Variants in BTBD9 observed in about 807,000 individuals in gnomAD.
BTBD9 encodes the protein BTB/POZ domain-containing protein 9.
BTBD9 carries 49 observed loss-of-function variants against 64.3 expected under a neutral mutation model. That is an observed-to-expected ratio of 0.76 (90% CI 0.61 to 0.97). BTBD9 has a LOEUF of 0.97. Ranked by LOEUF, BTBD9 falls within the 50% of genes least tolerant of loss-of-function variation. The pLI, the probability that BTBD9 is intolerant of heterozygous loss-of-function variation, is 0.00. For missense variants in BTBD9, 598 were observed against 762.1 expected (o/e 0.78, Z 2.53); for synonymous variants, 260 against 274.7 (o/e 0.95, Z 0.53).
intron 6 of BTBD9, among the ~76,000 whole-genome samples, chr6:38,352,203 C>G (rs1299041786): frequency 2.0e-5 from 3 of 151,856 alleles, no homozygotes; most frequent in Non-Finnish European, 1.5e-5. Context: ...AGAGGGGAAC[C>G]CTGTTTCTAC....
chr6:38,497,818 A>G (rs1336292529), intron 6 of BTBD9, among the ~76,000 whole-genome samples: 2 of 152,204 alleles, frequency 1.3e-5, no homozygotes, highest in Admixed American at 6.5e-5. Context: ...AGAGCTGGCT[A>G]TTCTCTCAAG....
chr6:38,618,313 T>C (rs1329449815), intron 1 of BTBD9, among the ~76,000 whole-genome samples: 1 of 152,182 alleles, frequency 6.6e-6, no homozygotes, highest in Non-Finnish European at 1.5e-5. Context: ...GAAGTATAAA[T>C]TACAGTACTA....
intron 6 of BTBD9, among the ~76,000 whole-genome samples, chr6:38,463,692 A>G (rs1203142623): frequency 3.9e-5 from 6 of 152,214 alleles, no homozygotes; most frequent in Non-Finnish European, 8.8e-5. Flanking sequence ...TCACAGTCTT[A>G]AACCTTGGTA....
intron 8 of BTBD9, among the ~76,000 whole-genome samples, chr6:38,277,419 T>C (rs1263030412): frequency 1.3e-5 from 2 of 151,940 alleles, no homozygotes; most frequent in East Asian, 3.9e-4. Context: ...CTGCAACCTC[T>C]GCCTCCTGTG....
At chr6:38,630,843 G>A (rs910339003) in intron 1 of BTBD9, among the ~76,000 whole-genome samples, 5 of 152,298 alleles carry the variant, frequency 3.3e-5, no homozygotes, top group Admixed American at 1.3e-4. Context: ...GACCTTACTT[G>A]AGGATAAAAG....
At chr6:38,261,909 C>T (rs1218945788) in intron 8 of BTBD9, among the ~76,000 whole-genome samples, 1 of 152,198 alleles carries the variant, frequency 6.6e-6, no homozygotes, top group East Asian at 1.9e-4. Flanking sequence ...TTAAAGAGGA[C>T]TTCTAACTCA....
chr6:38,209,142 C>G (rs1036402124), intron 9 of BTBD9, among the ~76,000 whole-genome samples: 5 of 152,200 alleles, frequency 3.3e-5, no homozygotes, highest in Non-Finnish European at 5.9e-5. Context: ...TGCCTGACAA[C>G]AGCTGGAGAT....
chr6:38,545,728 G>A (rs903906615), intron 6 of BTBD9, among the ~76,000 whole-genome samples: 1 of 145,426 alleles, frequency 6.9e-6, no homozygotes, highest in Admixed American at 7.0e-5. Flanking sequence ...GCAGTGAGCC[G>A]AGATCGAGCC....
In BTBD9 at chr6:38,367,799, CAAAAAAAAAAAAAA is replaced by C. The variant is rs575025737; in HGVS notation, c.1155-22720_1155-22707del. Among the ~76,000 whole-genome samples the C allele has an allele frequency of 2.7e-4, 23 of 84,336 alleles. 1 individual carries two copies. The highest frequency in any genetic ancestry group is 6.2e-4 in the African/African-American group (14 of 22,728). 55.3% of individuals were successfully genotyped at this position (84,336 alleles called of 152,430 possible). ...TGCAAGAGTGTTGCACCAGAAATGG[CAAAAAAAAAAAAAA>C]AAAAAAAAAAAAAAAAAACCATCCC... On this transcript the variant is annotated intron_variant, in intron 6 of 10. Transcript: ENST00000481247.
chr6:38,186,785 TC>T (rs1761837490), intron 10 of BTBD9, among the ~76,000 whole-genome samples: 1 of 152,202 alleles, frequency 6.6e-6, no homozygotes, highest in Non-Finnish European at 1.5e-5. Context: ...GTAAAAGCTT[TC>T]ATGTAGGTTC....
chr6:38,453,437 G>A (rs1470535489), intron 6 of BTBD9, among the ~76,000 whole-genome samples: 2 of 152,130 alleles, frequency 1.3e-5, no homozygotes, highest in Non-Finnish European at 2.9e-5. Context: ...TCAGCAGCTT[G>A]TTACATATTT....
At chr6:38,274,158 A>T (rs1765292199) in intron 8 of BTBD9, among the ~76,000 whole-genome samples, 1 of 152,166 alleles carries the variant, frequency 6.6e-6, no homozygotes, top group East Asian at 1.9e-4. Flanking sequence ...ATGGGAGTTC[A>T]CTCATGATTT....
At chr6:38,464,333 CTA>C (rs777428102) in intron 6 of BTBD9, among the ~76,000 whole-genome samples, 16,613 of 151,584 alleles carry the variant, frequency 0.11, 952 homozygotes, top group African/African-American at 0.14. Flanking sequence ...TGTTAATTTA[CTA>C]AGTGACATTG....
chr6:38,205,574 C>T (rs1762610056), intron 9 of BTBD9, among the ~76,000 whole-genome samples: 3 of 151,978 alleles, frequency 2.0e-5, no homozygotes, highest in Admixed American at 1.3e-4. Context: ...AAAAACTTCA[C>T]CTCCAATGCA....
At chr6:38,279,035 G>C (rs774272540) in intron 8 of BTBD9, among the ~76,000 whole-genome samples, 2 of 152,198 alleles carry the variant, frequency 1.3e-5, no homozygotes, top group Admixed American at 6.5e-5. Context: ...CTAGAGCTAA[G>C]ACCCTGAGTG....
intron 6 of BTBD9, among the ~76,000 whole-genome samples, chr6:38,497,819 T>C (rs1772020048): frequency 6.6e-6 from 1 of 152,220 alleles, no homozygotes; most frequent in Admixed American, 6.5e-5. Context: ...GAGCTGGCTA[T>C]TCTCTCAAGT....
At chr6:38,219,194 G>T (rs1561888201) in intron 9 of BTBD9, among the ~76,000 whole-genome samples, 1 of 136,028 alleles carries the variant, frequency 7.4e-6, no homozygotes. Flanking sequence ...GAGTGTAGTA[G>T]CACAAGCTTG....
intron 6 of BTBD9, among the ~76,000 whole-genome samples, chr6:38,536,897 G>C (rs1774044092): frequency 6.6e-6 from 1 of 152,082 alleles, no homozygotes; most frequent in South Asian, 2.1e-4. Context: ...ATAAGATCTA[G>C]TATTTGACAG....
intron 6 of BTBD9, among the ~76,000 whole-genome samples, chr6:38,465,706 ATTATATATATATATATATAT>A (rs1251761796): frequency 3.3e-5 from 2 of 60,402 alleles, no homozygotes; most frequent in African/African-American, 1.4e-4. Flanking sequence ...AAATAAATAA[ATTATATATATATATATATAT>A]ATATATATAT....
Sources: gnomAD v4.1 joint callset for allele counts (sites outside exome capture counted in the v4.1 genomes callset) on GRCh38, gnomAD v4.1.1 for gene constraint, MANE v1.5 for transcripts, NCBI Gene and HGNC (gene_info 2026-07-23, HGNC 2026-07-21) for gene names.